PHLPP1: variants seen among roughly 807,000 people sequenced by gnomAD.
PHLPP1 encodes PH domain leucine-rich repeat-containing protein phosphatase 1.
In PHLPP1, 42 loss-of-function variants were observed where a neutral mutation model predicts 117.2. The observed-to-expected ratio is 0.36, with a 90% confidence interval of 0.28 to 0.46. PHLPP1 has a LOEUF of 0.46. PHLPP1 is among the 20% of genes least tolerant of loss of function. PHLPP1 has a pLI of 1.00. For synonymous variants in PHLPP1, 1,042 were observed against 970.7 expected (o/e 1.07, Z -1.37); for missense variants, 2,084 against 2,241.9 (o/e 0.93, Z 1.42).
chr18:62,853,873 G>A (rs941775703), intron 3 of PHLPP1, among the ~76,000 whole-genome samples: 2 of 152,188 alleles, frequency 1.3e-5, no homozygotes, highest in African/African-American at 4.8e-5. Context: ...GGTAGACATT[G>A]CTGTGGAGAT....
Position 62,945,232 on chromosome 18 carries a change from C to T in PHLPP1, c.3285C>T (p.Ile1095=), listed in dbSNP as rs1238996544. The change falls in exon 12 of 17, where the codon ATC becomes ATT. Residue 1095 remains isoleucine (I), a synonymous_variant. Coordinates refer to ENST00000262719, the MANE Select transcript of PHLPP1 (RefSeq NM_194449.4). ...CCGTGATTGCTCACTCCAACTGCAT[C>T]GAGGTCTTTCCCGAAGTTATGCAGC... ...MHTVIAHSNC[I]EVFPEVMQLP... is the part of the protein sequence containing the mutation. 16 of 1,608,650 alleles carry T rather than the reference C, an allele frequency of 9.9e-6. No individual in the cohort carries two copies. The highest frequency in any genetic ancestry group is 2.2e-5 in the East Asian group (1 of 44,548).
intron 1 of PHLPP1, among the ~76,000 whole-genome samples, chr18:62,784,440 A>G (rs754244867): frequency 1.4e-4 from 21 of 151,682 alleles, no homozygotes; most frequent in Non-Finnish European, 2.7e-4. Flanking sequence ...TTGGTGTACT[A>G]TAACTCATGG....
intron 1 of PHLPP1, among the ~76,000 whole-genome samples, chr18:62,726,628 G>A (rs1911082253): frequency 7.2e-6 from 1 of 138,084 alleles, no homozygotes; most frequent in African/African-American, 2.8e-5. Context: ...CTGTCACCCA[G>A]GCTGGAGTGC....
chr18:62,976,355 G>A (rs557867923), intron 16 of PHLPP1, among the ~76,000 whole-genome samples: 5 of 152,258 alleles, frequency 3.3e-5, no homozygotes, highest in South Asian at 4.1e-4. Flanking sequence ...TTTGGAGGGC[G>A]TGTCTCAAGG....
In PHLPP1 at chr18:62,716,966, GGGCCGTCCGCGAGGGGTCGTGCGA is replaced by G; in HGVS notation, c.1286_1309del (p.Ala429_Glu436del). 6.5e-7 allele frequency: 1 copy of G among 1,539,728 alleles called. No homozygotes were observed. The highest frequency in any genetic ancestry group is 8.7e-7 in the Non-Finnish European group (1 of 1,146,072). ...CCGAGGGCCATTGACAGCCCGGGCG[GGGCCGTCCGCGAGGGGTCGTGCGA>G]GGAGAAGGCAGCGGCAGCCGTGGCC... On this transcript the variant is annotated inframe_deletion, in exon 1 of 17. Coordinates refer to ENST00000262719, the MANE Select transcript of PHLPP1 (RefSeq NM_194449.4). This position sits in a 1 kb window ranked among gnomAD's most constrained non-coding sequence, Gnocchi z 5.7.
At chr18:62,885,610 A>T (rs1184601938) in intron 4 of PHLPP1, among the ~76,000 whole-genome samples, 1 of 152,188 alleles carries the variant, frequency 6.6e-6, no homozygotes, top group Non-Finnish European at 1.5e-5. Flanking sequence ...CTGTGAGCTG[A>T]GATAGCACCA....
rs375319681 is a variant in PHLPP1, at chr18:62,873,102, G to T, written c.2066+12501G>T. Among the ~76,000 whole-genome samples the T allele has an allele frequency of 7.2e-5, 11 of 152,150 alleles. No homozygotes were observed. In the East Asian group the frequency reaches 1.9e-3, roughly 27 times the overall value. ...CTTATGCCAAAGTGGTATATTTTGG[G>T]GTAGCGTATTCTGCAGTCCTTCATA... On this transcript the variant is annotated intron_variant, in intron 4 of 16. Coordinates refer to ENST00000262719, the MANE Select transcript of PHLPP1 (RefSeq NM_194449.4).
intron 13 of PHLPP1, among the ~76,000 whole-genome samples, chr18:62,961,225 G>T (rs1353435094): frequency 2.6e-5 from 4 of 152,206 alleles, no homozygotes; most frequent in Non-Finnish European, 5.9e-5. Context: ...GAACCTGGGG[G>T]CGGAGGTTGC....
intron 1 of PHLPP1, among the ~76,000 whole-genome samples, chr18:62,787,023 A>G (rs1252129992): frequency 6.6e-6 from 1 of 152,088 alleles, no homozygotes; most frequent in Non-Finnish European, 1.5e-5. Context: ...GCGTGCATGC[A>G]TTCATTCATT....
At chr18:62,868,105 C>T (rs961981814) in intron 4 of PHLPP1, among the ~76,000 whole-genome samples, 8 of 152,082 alleles carry the variant, frequency 5.3e-5, no homozygotes, top group Non-Finnish European at 1.0e-4. Context: ...CCACTGTGCC[C>T]GGCCATATGT....
intron 12 of PHLPP1, among the ~76,000 whole-genome samples, chr18:62,953,063 G>A (rs1485953287): frequency 1.3e-5 from 2 of 152,124 alleles, no homozygotes; most frequent in Non-Finnish European, 2.9e-5. Flanking sequence ...TGATCACTTA[G>A]CCTTTTATAA....
In PHLPP1 at chr18:62,715,799, C is replaced by T. The variant is rs1189438411; in HGVS notation, c.116C>T (p.Ala39Val). 3 of 781,256 alleles carry T rather than the reference C, an allele frequency of 3.8e-6. No individual in the cohort carries two copies. The highest frequency in any genetic ancestry group is 5.8e-4 in the Middle Eastern group (1 of 1,716). 48.4% of individuals were successfully genotyped at this position (781,256 alleles called of 1,614,324 possible). ...AAAAAAAAAA[A>V]ALAAAAGGGR... ...GCAGCAGCAGCAGCGGCGGCCGCGG[C>T]GGCTCTGGCGGCGGCGGCCGGGGGC... is the stretch of plus-strand genomic sequence containing the variant. Residue 39 changes from alanine (A) to valine (V), a missense_variant, in exon 1 of 17, where the codon GCG becomes GTG. Physicochemically the swap from Ala to Val is moderately conservative, Grantham distance 64. Transcript: ENST00000262719.
intron 1 of PHLPP1, among the ~76,000 whole-genome samples, chr18:62,829,406 C>T (rs1914695053): frequency 6.6e-6 from 1 of 152,134 alleles, no homozygotes; most frequent in Non-Finnish European, 1.5e-5. Context: ...CATTCATAAA[C>T]ATCATGAAGT....
intron 1 of PHLPP1, among the ~76,000 whole-genome samples, chr18:62,827,331 C>G (rs12966998): frequency 0.057 from 8,638 of 152,238 alleles, 341 homozygotes; most frequent in Middle Eastern, 0.088. Flanking sequence ...TTTAAACTGG[C>G]AGACATGAGT....
chr18:62,838,880 T>C lies in PHLPP1; in HGVS notation c.1870T>C (p.Tyr624His), dbSNP rs777811815. The C allele has an allele frequency of 2.2e-5, 35 of 1,613,912 alleles. No homozygotes were observed. In the East Asian group the frequency reaches 6.9e-4, roughly 32 times the overall value. ...CATTTGCTTTGATACTTTCACAGAA[T>C]ACTTAAGGTGGCTGCGACAAGTCTC... ...YYICFDTFTE[Y>H]LRWLRQVSKV... is the part of the protein sequence containing the mutation. The change falls in exon 3 of 17, where the codon TAC becomes CAC. Residue 624 changes from tyrosine (Y) to histidine (H), a missense_variant. Physicochemically the swap from Tyr to His is moderately conservative, Grantham distance 83 (BLOSUM62 2). This residue lies in a region of PHLPP1 where 1,365 missense variants were observed against 1,605.9 expected (regional missense o/e 0.85). Transcript: ENST00000262719.
At chr18:62,765,502 A>G (rs1912441342) in intron 1 of PHLPP1, among the ~76,000 whole-genome samples, 1 of 152,242 alleles carries the variant, frequency 6.6e-6, no homozygotes, top group South Asian at 2.1e-4. Flanking sequence ...TATTGGCTCT[A>G]TAAGCCATTT....
At chr18:62,849,277 G>A (rs748354531) in intron 3 of PHLPP1, among the ~76,000 whole-genome samples, 7 of 152,118 alleles carry the variant, frequency 4.6e-5, no homozygotes, top group East Asian at 1.9e-4. Context: ...GGAATTTAGC[G>A]TATATGATTA....
At position 62,746,798 on chromosome 18, in the gene PHLPP1, G is replaced by C. The variant is rs138777622; in HGVS notation, c.1576+29539G>C. Among the ~76,000 whole-genome samples, 1,404 of 151,438 alleles carry C rather than the reference G, an allele frequency of 9.3e-3. 6 individuals carry two copies. Among genetic ancestry groups the C allele is most frequent in the Admixed American group, 0.015 (228 of 15,200 alleles). ...GGGTTTTTTTTTTCTATTATAAATG[G>C]TGTATTAAAACTAAAAAAAAGTTTG... On this transcript the variant is annotated intron_variant, in intron 1 of 16. Coordinates refer to ENST00000262719, the MANE Select transcript of PHLPP1 (RefSeq NM_194449.4).
chr18:62,963,538 A>G (rs1234342879), intron 14 of PHLPP1, 66 bp downstream of exon 14: 2 of 1,019,820 alleles, frequency 2.0e-6, no homozygotes, highest in Admixed American at 2.1e-5. Flanking sequence ...AGTTGGGTAG[A>G]AAGAAACTCA....
Sources: allele counts gnomAD v4.1 joint callset (sites outside exome capture counted in the v4.1 genomes callset), GRCh38; gene constraint gnomAD v4.1.1; regional missense constraint gnomAD v4.1.1; non-coding constraint Gnocchi (gnomAD v3.1); transcripts MANE v1.5; gene names NCBI Gene and HGNC (gene_info 2026-07-23, HGNC 2026-07-21).